Variants in CAPS2 observed in about 807,000 individuals in gnomAD.
CAPS2 encodes the protein calcyphosin-2.
Under a neutral mutation model 86.5 loss-of-function variants are expected in CAPS2, and 98 were observed. The ratio of observed to expected loss-of-function variants is 1.13; its 90% CI spans 0.96 to 1.34. The LOEUF is 1.34. CAPS2 is among the 40% of genes most tolerant of loss of function. CAPS2 has a pLI of 0.00. For synonymous variants in CAPS2, 210 were observed against 225.1 expected (o/e 0.93, Z 0.60); for missense variants, 729 against 686.8 (o/e 1.06, Z -0.69).
chr12:75,348,947 G>A (rs2042628738), intron 1 of CAPS2, among the ~76,000 whole-genome samples: 1 of 152,162 alleles, frequency 6.6e-6, no homozygotes, highest in Non-Finnish European at 1.5e-5. Context: ...TTCAGGTCAT[G>A]GAATATGAAA....
At chr12:75,362,022 T>G (rs1412318082) in intron 1 of CAPS2, among the ~76,000 whole-genome samples, 1 of 152,110 alleles carries the variant, frequency 6.6e-6, no homozygotes, top group African/African-American at 2.4e-5. Flanking sequence ...ATAAATTTAA[T>G]GTCATTAAAA....
rs1473650760 is a variant in CAPS2 at position 75,295,533 on chromosome 12, G to A, written c.1045-2166C>T. On this transcript the variant is annotated intron_variant, in intron 11 of 16. Coordinates refer to ENST00000393284, the Ensembl canonical transcript of CAPS2. Reference sequence around the variant, plus strand: ...AGAGATATTAAAAATATGGCTTCAGGAATAAGAGTGGTTTAGGCCCTTGTA... The same window carrying A: ...AGAGATATTAAAAATATGGCTTCAGAAATAAGAGTGGTTTAGGCCCTTGTA... 3.3e-5 allele frequency among the ~76,000 whole-genome samples: 5 copies of A among 152,140 alleles called. No individual in the cohort carries two copies. The East Asian group carries it at 9.6e-4, about 29-fold the overall frequency.
chr12:75,298,463 TG>T, intron 11 of CAPS2: 1 of 483,178 alleles, frequency 2.1e-6, no homozygotes, highest in Non-Finnish European at 3.7e-6. Context: ...GGAAGGGGGG[TG>T]TTACAGAAAA....
rs746001876 is a variant in CAPS2, at chr12:75,304,884, G to T, written c.660-8C>A. On this transcript the variant is annotated splice_region_variant and splice_polypyrimidine_tract_variant and intron_variant, in intron 7 of 16. Coordinates refer to ENST00000393284, the Ensembl canonical transcript of CAPS2. ...GGATCACTGATGACAGCCCTATACAGGAAAATAAAAAGTCCAACAATTAAA... is the reference window on the plus strand; with the variant it reads ...GGATCACTGATGACAGCCCTATACATGAAAATAAAAAGTCCAACAATTAAA... 2 of 1,599,512 alleles carry T rather than the reference G, an allele frequency of 1.3e-6. No homozygotes were observed. The highest frequency in any genetic ancestry group is 8.5e-7 in the Non-Finnish European group (1 of 1,175,998).
At chr12:75,370,303 A>G (rs547615178) in intron 1 of CAPS2, 206 of 569,164 alleles carry the variant, frequency 3.6e-4, no homozygotes, top group African/African-American at 3.6e-3. Context: ...CCTAAATTTA[A>G]TGTTTGTTTT....
chr12:75,362,614 T>C (rs555069874), intron 1 of CAPS2, among the ~76,000 whole-genome samples: 65 of 152,306 alleles, frequency 4.3e-4, no homozygotes, highest in Admixed American at 3.4e-3. Context: ...CTTTCACAGA[T>C]AGAAGATAAA....
At chr12:75,381,142 G>T (rs1447799838) in intron 1 of CAPS2, among the ~76,000 whole-genome samples, 4 of 152,054 alleles carry the variant, frequency 2.6e-5, no homozygotes, top group African/African-American at 9.7e-5. Flanking sequence ...GAATCACAGG[G>T]GCCAGTCTTT....
intron 5 of CAPS2, among the ~76,000 whole-genome samples, chr12:75,317,829 T>C (rs1263574844): frequency 6.6e-6 from 1 of 152,144 alleles, no homozygotes; most frequent in Non-Finnish European, 1.5e-5. Flanking sequence ...CGTATATGTG[T>C]GTGTGTGTCA....
At chr12:75,276,349 C>G (rs1188028446), downstream of CAPS2, 1 of 1,440,296 alleles carries the variant, frequency 6.9e-7, no homozygotes, top group Non-Finnish European at 9.1e-7. Flanking sequence ...GTAAACATAG[C>G]CTAATGTACA....
At chr12:75,298,804 T>C in intron 10 of CAPS2, 24 bp from the exon 11 acceptor site, 2 of 1,594,950 alleles carry the variant, frequency 1.3e-6, no homozygotes, top group Non-Finnish European at 1.7e-6. Context: ...GAAAAAAAAA[T>C]GGAAAGTTAT....
chr12:75,282,378 T>TGTTG, intron 15 of CAPS2, 31 bp from the exon 16 acceptor site: 1 of 1,400,878 alleles, frequency 7.1e-7, no homozygotes, highest in Non-Finnish European at 1.0e-6. Flanking sequence ...ATTATTAGTT[T>TGTTG]GTTGGTTGGT....
intron 1 of CAPS2, among the ~76,000 whole-genome samples, chr12:75,344,847 G>T (rs1052882404): frequency 6.6e-6 from 1 of 152,046 alleles, no homozygotes; most frequent in African/African-American, 2.4e-5. Flanking sequence ...GTTTAGTCCA[G>T]AGCTGATAAT....
intron 12 of CAPS2, among the ~76,000 whole-genome samples, chr12:75,292,158 C>A (rs1337397443): frequency 1.3e-5 from 2 of 152,096 alleles, no homozygotes; most frequent in Non-Finnish European, 2.9e-5. Flanking sequence ...CCTCCGCCTC[C>A]CAGGTTCAAG....
At chr12:75,354,718 G>A (rs1322242454) in intron 1 of CAPS2, among the ~76,000 whole-genome samples, 1 of 152,138 alleles carries the variant, frequency 6.6e-6, no homozygotes, top group Non-Finnish European at 1.5e-5. Flanking sequence ...CACACTACCT[G>A]ACTTCAAACT....
chr12:75,329,887 G>C (rs1334536703), upstream of CAPS2: 1 of 1,542,224 alleles, frequency 6.5e-7, no homozygotes. Flanking sequence ...TTCCTGGACA[G>C]GACAGGCGAG....
At chr12:75,366,688 GTTTT>G (rs1304737985) in intron 1 of CAPS2, 1 of 537,712 alleles carries the variant, frequency 1.9e-6, no homozygotes. Context: ...GTGGCCTAGG[GTTTT>G]TTTGTGTTGC....
chr12:75,282,308 G>T (rs1234193068), exon 16 of CAPS2: 1 of 1,606,950 alleles, frequency 6.2e-7, no homozygotes. Flanking sequence ...TTTATAATAG[G>T]CACACTGCCA....
intron 1 of CAPS2, among the ~76,000 whole-genome samples, chr12:75,363,843 G>A (rs1484439766): frequency 6.6e-6 from 1 of 152,134 alleles, no homozygotes; most frequent in African/African-American, 2.4e-5. Flanking sequence ...ACATTTTAAG[G>A]AGACTAAGAC....
At chr12:75,334,405 A>G, upstream of CAPS2, 1 of 1,000,002 alleles carries the variant, frequency 1.0e-6, no homozygotes, top group Non-Finnish European at 1.2e-6. Flanking sequence ...TGGCTTGCAT[A>G]TTGCAATCTG....
Sources: gnomAD v4.1 joint callset for allele counts (sites outside exome capture counted in the v4.1 genomes callset) on GRCh38, gnomAD v4.1.1 for gene constraint, MANE v1.5 for transcripts, NCBI Gene and HGNC (gene_info 2026-07-23, HGNC 2026-07-21) for gene names.